The following PTPRD variants were observed in gnomAD, a reference collection of about 807,000 sequenced individuals.
PTPRD encodes the protein receptor-type tyrosine-protein phosphatase delta.
In PTPRD, 34 loss-of-function variants were observed where a neutral mutation model predicts 214.5. The observed-to-expected ratio is 0.16, with a 90% CI of 0.12 to 0.21. The LOEUF is 0.21. PTPRD is among the 10% of genes least tolerant of loss of function. PTPRD has a pLI of 1.00. For synonymous variants in PTPRD, 1,128 were observed against 845.7 expected (o/e 1.33, Z -5.79); for missense variants, 2,545 against 2,398.7 (o/e 1.06, Z -1.27).
At chr9:8,904,565 T>C (rs182759401) in intron 11 of PTPRD, among the ~76,000 whole-genome samples, 1 of 151,498 alleles carries the variant, frequency 6.6e-6, no homozygotes, top group East Asian at 2.0e-4. Context: ...CCAGCTACTC[T>C]GGAGGCTGAG....
intron 7 of PTPRD, among the ~76,000 whole-genome samples, chr9:9,656,167 C>T (rs2096507796): frequency 6.6e-6 from 1 of 152,032 alleles, no homozygotes; most frequent in Non-Finnish European, 1.5e-5. Flanking sequence ...CATTTATTTC[C>T]AGTGGGAATC....
At chr9:8,957,886 A>G (rs1215842083) in intron 11 of PTPRD, among the ~76,000 whole-genome samples, 2 of 151,852 alleles carry the variant, frequency 1.3e-5, no homozygotes, top group East Asian at 1.9e-4. Context: ...AAAGAATGCT[A>G]TAGTCCCAAA....
intron 12 of PTPRD, among the ~76,000 whole-genome samples, chr9:8,666,292 G>C (rs1212124933): frequency 2.0e-5 from 3 of 152,254 alleles, no homozygotes; most frequent in East Asian, 3.9e-4. Context: ...AATATTTTAA[G>C]TGTTAAGTCA....
At chr9:10,608,945 T>C (rs1425333797) in intron 2 of PTPRD, among the ~76,000 whole-genome samples, 2 of 152,102 alleles carry the variant, frequency 1.3e-5, no homozygotes, top group Admixed American at 1.3e-4. Context: ...GAACCGACAG[T>C]AGTGGTAAAG....
rs537132318 is a variant in PTPRD, at chr9:10,229,619, G to A, written c.-545+111344C>T. ...TCACAAGGACAAAAAACCAAACACC[G>A]CATGTTCTCACTCATAGGTGGGAAT... On this transcript the variant is annotated intron_variant, in intron 3 of 45. Coordinates refer to ENST00000381196, the MANE Select transcript of PTPRD (RefSeq NM_002839.4). 3.9e-4 allele frequency among the ~76,000 whole-genome samples: 58 copies of A among 148,674 alleles called. No individual in the cohort carries two copies. In the East Asian group the frequency reaches 0.011, roughly 27 times the overall value.
intron 4 of PTPRD, among the ~76,000 whole-genome samples, chr9:9,957,075 C>G (rs770578339): frequency 3.9e-5 from 6 of 152,036 alleles, no homozygotes; most frequent in Non-Finnish European, 8.8e-5. Flanking sequence ...GGAGAACATA[C>G]AACTAATTTA....
chr9:8,927,380 C>T (rs374545534), intron 11 of PTPRD, among the ~76,000 whole-genome samples: 1 of 151,942 alleles, frequency 6.6e-6, no homozygotes, highest in Admixed American at 6.6e-5. Flanking sequence ...CATGACAGGC[C>T]CTGGTGTGTG....
At chr9:9,276,083 A>T (rs952220329) in intron 9 of PTPRD, among the ~76,000 whole-genome samples, 1 of 151,344 alleles carries the variant, frequency 6.6e-6, no homozygotes, top group Non-Finnish European at 1.5e-5. Flanking sequence ...GTCCTTGTCT[A>T]ATGTTGCTTA....
intron 3 of PTPRD, among the ~76,000 whole-genome samples, chr9:10,225,786 A>C (rs553171605): frequency 4.6e-5 from 7 of 152,208 alleles, no homozygotes; most frequent in African/African-American, 1.7e-4. Context: ...TTTCCTTTTG[A>C]AGAACTAATG....
chr9:8,709,019 T>A (rs1303459047), intron 12 of PTPRD, among the ~76,000 whole-genome samples: 2 of 152,056 alleles, frequency 1.3e-5, no homozygotes, highest in African/African-American at 4.8e-5. Flanking sequence ...TACTCCATGA[T>A]CTCACTCATA....
intron 5 of PTPRD, among the ~76,000 whole-genome samples, chr9:9,792,972 C>T (rs1330753828): frequency 6.6e-6 from 1 of 152,082 alleles, no homozygotes; most frequent in Non-Finnish European, 1.5e-5. Context: ...GAATAATCAA[C>T]ACCTCTGAGA....
intron 11 of PTPRD, among the ~76,000 whole-genome samples, chr9:8,786,066 T>C (rs1191469178): frequency 6.6e-6 from 1 of 151,932 alleles, no homozygotes; most frequent in Non-Finnish European, 1.5e-5. Flanking sequence ...TGTGTGTGTG[T>C]GTGTACCTCA....
intron 11 of PTPRD, among the ~76,000 whole-genome samples, chr9:8,737,547 T>C (rs1415187268): frequency 6.6e-6 from 1 of 151,006 alleles, no homozygotes; most frequent in Non-Finnish European, 1.5e-5. Flanking sequence ...GCAAGGAGGT[T>C]CAGTGATATT....
chr9:9,662,983 T>C (rs763168178), intron 7 of PTPRD, among the ~76,000 whole-genome samples: 1 of 151,640 alleles, frequency 6.6e-6, no homozygotes, highest in African/African-American at 2.4e-5. Context: ...TTTTTCTTTA[T>C]GCATAAGTTT....
At chr9:9,627,502 A>G (rs141896276) in intron 7 of PTPRD, among the ~76,000 whole-genome samples, 48 of 152,344 alleles carry the variant, frequency 3.2e-4, no homozygotes, top group African/African-American at 9.4e-4. Flanking sequence ...CTACATTTCT[A>G]TAGCAGTAGA....
At chr9:9,755,120 G>T (rs953012236) in intron 6 of PTPRD, among the ~76,000 whole-genome samples, 3 of 151,982 alleles carry the variant, frequency 2.0e-5, no homozygotes, top group African/African-American at 7.2e-5. Flanking sequence ...ATCTCCAGAT[G>T]ATTCCTATAA....
chr9:10,017,999 A>T (rs968899902), intron 4 of PTPRD, among the ~76,000 whole-genome samples: 1 of 152,118 alleles, frequency 6.6e-6, no homozygotes, highest in Non-Finnish European at 1.5e-5. Context: ...ACCCAAGTGG[A>T]GTTATTATTT....
chr9:8,481,497 C>T (rs191377469), intron 30 of PTPRD, among the ~76,000 whole-genome samples: 1 of 152,194 alleles, frequency 6.6e-6, no homozygotes, highest in East Asian at 1.9e-4. Flanking sequence ...ATTTTCTCAG[C>T]CATCTGCTTT....
intron 13 of PTPRD, 100 bp from the exon 14 acceptor site, chr9:8,633,558 T>A (rs1186497172): frequency 2.3e-5 from 31 of 1,338,898 alleles, no homozygotes; most frequent in Middle Eastern, 2.0e-4. Context: ...AGGCTCATAA[T>A]AAACTAGGCA....
Sources: allele counts gnomAD v4.1 joint callset (sites outside exome capture counted in the v4.1 genomes callset), GRCh38; gene constraint gnomAD v4.1.1; transcripts MANE v1.5; gene names NCBI Gene and HGNC (gene_info 2026-07-23, HGNC 2026-07-21).